LMBRD1: variants seen among roughly 807,000 people sequenced by gnomAD.
LMBRD1 encodes lysosomal cobalamin transport escort protein LMBD1.
In LMBRD1, 64 loss-of-function variants were observed where a neutral mutation model predicts 74.8. The observed-to-expected ratio is 0.86, with a 90% CI of 0.70 to 1.05. The LOEUF (loss-of-function observed/expected upper bound fraction) is 1.05. Among genes scored for constraint, LMBRD1 ranks in the 50% least tolerant of loss-of-function variants. The pLI is 0.00. For synonymous variants in LMBRD1, 204 were observed against 216.3 expected (o/e 0.94, Z 0.50); for missense variants, 652 against 645.9 (o/e 1.01, Z -0.10).
At chr6:69,687,477 G>A (rs1765789110) in intron 14 of LMBRD1, among the ~76,000 whole-genome samples, 1 of 152,118 alleles carries the variant, frequency 6.6e-6, no homozygotes, top group Non-Finnish European at 1.5e-5. Flanking sequence ...GCACAGAGCA[G>A]ACATCAACAA....
intron 3 of LMBRD1, among the ~76,000 whole-genome samples, chr6:69,777,940 G>A (rs1004387911): frequency 2.0e-5 from 3 of 152,186 alleles, no homozygotes; most frequent in Non-Finnish European, 4.4e-5. Context: ...ATAGTATCTA[G>A]CATTTGAAAA....
At position 69,674,690 on chromosome 6, in the gene LMBRD1, T is replaced by C. The variant is rs939441512; in HGVS notation, c.*1468A>G. ...GATTGTCCACAAAGAAAATGTAATA[T>C]AAGGCCGAGCGTGGTGGCTTATGCC... is the stretch of plus-strand genomic sequence containing the variant. On this transcript the variant is annotated 3_prime_UTR_variant, in exon 16 of 16. Transcript: ENST00000649934. 2.0e-5 allele frequency among the ~76,000 whole-genome samples: 3 copies of C among 152,114 alleles called. No individual in the cohort carries two copies. The highest frequency in any genetic ancestry group is 7.2e-5 in the African/African-American group (3 of 41,428).
chr6:69,722,120 C>T (rs1766629172), intron 7 of LMBRD1, among the ~76,000 whole-genome samples: 1 of 152,086 alleles, frequency 6.6e-6, no homozygotes, highest in South Asian at 2.1e-4. Context: ...CCTTACAGGC[C>T]AGCAAAGAAC....
At position 69,675,982 on chromosome 6, in the gene LMBRD1, T is replaced by C. The variant is rs1249427107; in HGVS notation, c.*176A>G. On this transcript the variant is annotated 3_prime_UTR_variant, in exon 16 of 16. Transcript: ENST00000649934. ...ATAGCATGATTATGGTAATTTAAAATGTTAATCTATGATACAATGTTACTT... is the reference window on the plus strand; with the variant it reads ...ATAGCATGATTATGGTAATTTAAAACGTTAATCTATGATACAATGTTACTT... 3.3e-6 allele frequency: 2 copies of C among 606,210 alleles called. No individual in the cohort carries two copies. Among genetic ancestry groups the C allele is most frequent in the Non-Finnish European group, 5.8e-6 (2 of 343,416 alleles). The allele number at this position is 606,210 out of a possible 1,614,324, so 37.6% of individuals were successfully genotyped here. A position where few individuals can be genotyped will look rare whatever the true frequency, so the allele number is the denominator to read the frequency against.
At chr6:69,683,522 A>G (rs1471437014) in intron 14 of LMBRD1, among the ~76,000 whole-genome samples, 1 of 152,104 alleles carries the variant, frequency 6.6e-6, no homozygotes, top group Non-Finnish European at 1.5e-5. Context: ...TCTTAGAAAT[A>G]GTTCGATCTC....
At chr6:69,739,742 T>G (rs1374886688) in intron 6 of LMBRD1, among the ~76,000 whole-genome samples, 1 of 152,142 alleles carries the variant, frequency 6.6e-6, no homozygotes, top group Non-Finnish European at 1.5e-5. Context: ...TTGACTGCAA[T>G]CAGTTACAAT....
At chr6:69,695,073 A>C (rs1057015083) in intron 14 of LMBRD1, among the ~76,000 whole-genome samples, 12 of 152,096 alleles carry the variant, frequency 7.9e-5, no homozygotes, top group African/African-American at 2.4e-4. Flanking sequence ...CCTTCTTTGC[A>C]ATGTACAGAA....
intron 3 of LMBRD1, among the ~76,000 whole-genome samples, chr6:69,761,456 T>A (rs1318362427): frequency 6.6e-6 from 1 of 152,216 alleles, no homozygotes; most frequent in Non-Finnish European, 1.5e-5. Flanking sequence ...AACCTCATTT[T>A]TTTAATCTAT....
At chr6:69,687,119 T>TA (rs1765779819) in intron 14 of LMBRD1, among the ~76,000 whole-genome samples, 1 of 152,188 alleles carries the variant, frequency 6.6e-6, no homozygotes, top group African/African-American at 2.4e-5. Context: ...CTGATGTCCT[T>TA]AAAATTATCT....
chr6:69,759,193 A>G (rs1181822257), intron 3 of LMBRD1, among the ~76,000 whole-genome samples: 1 of 152,228 alleles, frequency 6.6e-6, no homozygotes, highest in Non-Finnish European at 1.5e-5. Context: ...AATAGTGTAA[A>G]CTTCTATGCT....
intron 7 of LMBRD1, among the ~76,000 whole-genome samples, chr6:69,728,077 A>G (rs1240870931): frequency 6.6e-6 from 1 of 152,212 alleles, no homozygotes; most frequent in Non-Finnish European, 1.5e-5. Flanking sequence ...CACCAACTGT[A>G]CAGGAAGCAT....
chr6:69,773,290 G>C (rs1293378928), intron 3 of LMBRD1, among the ~76,000 whole-genome samples: 1 of 152,066 alleles, frequency 6.6e-6, no homozygotes, highest in East Asian at 1.9e-4. Context: ...CAGCAGGAAG[G>C]CCCTTACCAA....
intron 14 of LMBRD1, among the ~76,000 whole-genome samples, chr6:69,683,719 G>A (rs1231048691): frequency 6.6e-6 from 1 of 152,030 alleles, no homozygotes; most frequent in Non-Finnish European, 1.5e-5. Flanking sequence ...ACAGTCATTT[G>A]TTTCTTATCC....
At chr6:69,748,205 A>G (rs1392542291) in intron 5 of LMBRD1, among the ~76,000 whole-genome samples, 2 of 152,216 alleles carry the variant, frequency 1.3e-5, no homozygotes, top group East Asian at 3.8e-4. Flanking sequence ...CATACAGACA[A>G]TAAATCTAAA....
intron 6 of LMBRD1, among the ~76,000 whole-genome samples, chr6:69,740,362 C>A (rs1356812297): frequency 6.6e-6 from 1 of 152,040 alleles, no homozygotes; most frequent in Non-Finnish European, 1.5e-5. Context: ...TATCTAATCA[C>A]CAATTCAAGT....
chr6:69,790,200 TC>T, intron 2 of LMBRD1, 95 bp downstream of exon 2: 1 of 821,254 alleles, frequency 1.2e-6, no homozygotes, highest in South Asian at 1.5e-5. Flanking sequence ...TCTCATTCAT[TC>T]CCAGATACAA....
In LMBRD1 at chr6:69,674,534, G is replaced by A. The variant is rs1341519657; in HGVS notation, c.*1624C>T. On this transcript the variant is annotated 3_prime_UTR_variant, in exon 16 of 16. Coordinates refer to ENST00000649934, the MANE Select transcript of LMBRD1 (RefSeq NM_018368.4). Reference sequence around the variant, plus strand: ...AAAAATGAATGCAGAAGAAGGCTTAGTTTGCCCCCACAAAAGTGAATACTT... The same window carrying A: ...AAAAATGAATGCAGAAGAAGGCTTAATTTGCCCCCACAAAAGTGAATACTT... 6.6e-6 allele frequency among the ~76,000 whole-genome samples: 1 copy of A among 152,208 alleles called. No individual in the cohort carries two copies. The highest frequency in any genetic ancestry group is 1.5e-5 in the Non-Finnish European group (1 of 68,030).
In LMBRD1 at chr6:69,697,661, T is replaced by C; in HGVS notation, c.1339-20A>G. 7.0e-7 allele frequency: 1 copy of C among 1,426,362 alleles called. No individual in the cohort carries two copies. The highest frequency in any genetic ancestry group is 1.1e-5 in the South Asian group (1 of 87,038). The allele number at this position is 1,426,362 out of a possible 1,614,324, so 88.4% of individuals were successfully genotyped here. A position where few individuals can be genotyped will look rare whatever the true frequency, so the allele number is the denominator to read the frequency against. ...ATTAGTCTGAAAGATAAAAATACAGTTAAAATATAAAAACCGCATTAATAA... is the reference window on the plus strand; with the variant it reads ...ATTAGTCTGAAAGATAAAAATACAGCTAAAATATAAAAACCGCATTAATAA... On this transcript the variant is annotated intron_variant, in intron 13 of 15. Transcript: ENST00000649934.
intron 6 of LMBRD1, among the ~76,000 whole-genome samples, chr6:69,739,974 C>T (rs5027848): frequency 0.48 from 72,290 of 151,582 alleles, 17,833 homozygotes; most frequent in African/African-American, 0.6. Flanking sequence ...AGCGTGGTGG[C>T]GGGTGCCTGT....
Sources: gnomAD v4.1 joint callset for allele counts (sites outside exome capture counted in the v4.1 genomes callset) on GRCh38, gnomAD v4.1.1 for gene constraint, MANE v1.5 for transcripts, NCBI Gene and HGNC (gene_info 2026-07-23, HGNC 2026-07-21) for gene names.